CDC27: variants seen among roughly 807,000 people sequenced by gnomAD.
CDC27 encodes cell division cycle protein 27 homolog.
Under a neutral mutation model 109.7 loss-of-function variants are expected in CDC27, and 27 were observed. That is an observed-to-expected ratio of 0.25 (90% CI 0.18 to 0.34). The LOEUF (loss-of-function observed/expected upper bound fraction) is 0.34. CDC27 is among the 10% of genes least tolerant of loss of function. The pLI, the probability that CDC27 is intolerant of heterozygous loss-of-function variation, is 1.00. For synonymous variants in CDC27, 266 were observed against 333.9 expected (o/e 0.80, Z 2.22); for missense variants, 579 against 960.2 (o/e 0.60, Z 5.25).
At chr17:47,145,382 C>T (rs1188018034) in intron 9 of CDC27, among the ~76,000 whole-genome samples, 2 of 152,080 alleles carry the variant, frequency 1.3e-5, no homozygotes, top group Non-Finnish European at 2.9e-5. Flanking sequence ...GAGGGCTTCC[C>T]TAGAGTCTTC....
At chr17:47,131,472 A>G (rs1156300036) in intron 15 of CDC27, among the ~76,000 whole-genome samples, 1 of 152,022 alleles carries the variant, frequency 6.6e-6, no homozygotes, top group African/African-American at 2.4e-5. Flanking sequence ...ATTTCCTCAC[A>G]TTGTATGACC....
In CDC27 at chr17:47,120,170, T is replaced by C. The variant is rs1157421802; in HGVS notation, c.*765A>G. The C allele has an allele frequency of 6.6e-6, 1 of 152,226 alleles. No homozygotes were observed. Among genetic ancestry groups the C allele is most frequent in the African/African-American group, 2.4e-5 (1 of 41,446 alleles). The allele number at this position is 152,226 out of a possible 1,614,324, so 9.4% of individuals were successfully genotyped here. A position where few individuals can be genotyped will look rare whatever the true frequency, so the allele number is the denominator to read the frequency against. ...CTCTATCATCTCTGAATGTTAAAGG[T>C]GATCCCACAGAGCTCAAAGAGAAGA... On this transcript the variant is annotated 3_prime_UTR_variant, in exon 19 of 19. Transcript: ENST00000066544.
intron 14 of CDC27, 36 bp downstream of exon 14, chr17:47,137,116 A>G (rs372605318): frequency 2.3e-6 from 3 of 1,299,752 alleles, no homozygotes; most frequent in Non-Finnish European, 3.2e-6. Context: ...CAGCACCATC[A>G]ATACGACTTT....
chr17:47,155,165 T>A (rs1406876583), intron 7 of CDC27, among the ~76,000 whole-genome samples: 1 of 152,118 alleles, frequency 6.6e-6, no homozygotes, highest in East Asian at 1.9e-4. Context: ...ACTATAACTC[T>A]CCAGAGTTGT....
At position 47,147,922 on chromosome 17, in the gene CDC27, T is replaced by C. The variant is rs954301813; in HGVS notation, c.1070+3884A>G. Among the ~76,000 whole-genome samples the C allele has an allele frequency of 2.1e-3, 276 of 131,394 alleles. 1 individual carries two copies. The highest frequency in any genetic ancestry group is 7.5e-3 in the African/African-American group (261 of 34,572). 86.2% of individuals were successfully genotyped at this position (131,394 alleles called of 152,430 possible). ...TCAAAAAAAAAAAAAAAAAAAAGGC[T>C]GGGCGCGGTGGCTCACACCTGTAAT... On this transcript the variant is annotated intron_variant, in intron 9 of 18. Transcript: ENST00000066544.
At chr17:47,175,455 T>C (rs1337729715) in intron 2 of CDC27, among the ~76,000 whole-genome samples, 1 of 152,144 alleles carries the variant, frequency 6.6e-6, no homozygotes, top group Non-Finnish European at 1.5e-5. Context: ...TCATGAACTC[T>C]GATGTTGTGT....
intron 4 of CDC27, among the ~76,000 whole-genome samples, chr17:47,160,499 T>C (rs981672709): frequency 2.0e-5 from 3 of 152,196 alleles, no homozygotes; most frequent in Admixed American, 6.5e-5. Context: ...GTGTTGGGAT[T>C]ACAGGCGTGA....
At chr17:47,128,856 T>C (rs910164168) in intron 16 of CDC27, among the ~76,000 whole-genome samples, 2 of 151,808 alleles carry the variant, frequency 1.3e-5, no homozygotes, top group East Asian at 3.9e-4. Flanking sequence ...CTGAAACCTC[T>C]GCCTCCTGGG....
chr17:47,143,977 G>A lies in CDC27; in HGVS notation c.1076C>T (p.Thr359Ile). ...AATAGTGGGGCTCAATACCTGAGGTGTTGTACTAAAAAAAAATTATAAAGG... is the reference window on the plus strand; with the variant it reads ...AATAGTGGGGCTCAATACCTGAGGTATTGTACTAAAAAAAAATTATAAAGG... The part of the protein sequence containing the change: ...TQSSGPQTST[T>I]PQVLSPTITS... Residue 359 changes from threonine to isoleucine, a missense_variant, in exon 10 of 19, where the codon ACA becomes ATA. Around this residue, in one of 9 missense-constraint regions of CDC27, gnomAD observed 51 missense variants for 43.8 expected, o/e 1.16. Transcript: ENST00000066544. 7.1e-7 allele frequency: 1 copy of A among 1,409,798 alleles called. No individual in the cohort carries two copies. Among genetic ancestry groups the A allele is most frequent in the Non-Finnish European group, 9.4e-7 (1 of 1,066,278 alleles). The allele number at this position is 1,409,798 out of a possible 1,614,324, so 87.3% of individuals were successfully genotyped here.
At chr17:47,132,948 A>ATTTTTTGT (rs1315169949) in intron 14 of CDC27, among the ~76,000 whole-genome samples, 2 of 118,952 alleles carry the variant, frequency 1.7e-5, no homozygotes, top group African/African-American at 6.4e-5. Context: ...TAATTTTTGT[A>ATTTTTTGT]TTTTTTGTAG....
rs1008212604 is a variant in CDC27 at position 47,118,339 on chromosome 17, T to C, written c.*2596A>G. 2 of 152,588 alleles carry C rather than the reference T, an allele frequency of 1.3e-5. No individual in the cohort carries two copies. The highest frequency in any genetic ancestry group is 2.9e-5 in the Non-Finnish European group (2 of 68,042). The allele number at this position is 152,588 out of a possible 1,614,324, so 9.5% of individuals were successfully genotyped here. ...AATTTTAAGTGATGAATACAGAAAA[T>C]GTAGGGACCACCTTTCATTCTTTTG... On this transcript the variant is annotated 3_prime_UTR_variant, in exon 19 of 19. Coordinates refer to ENST00000066544, the MANE Select transcript of CDC27 (RefSeq NM_001256.6).
rs907748246 is a variant in CDC27, at chr17:47,117,836, C to T, written c.*3099G>A. The T allele has an allele frequency of 2.0e-5, 3 of 151,978 alleles. No individual in the cohort carries two copies. The highest frequency in any genetic ancestry group is 7.2e-5 in the African/African-American group (3 of 41,380). 9.4% of individuals were successfully genotyped at this position (151,978 alleles called of 1,614,324 possible). A position where few individuals can be genotyped will look rare whatever the true frequency, so the allele number is the denominator to read the frequency against. On this transcript the variant is annotated 3_prime_UTR_variant, in exon 19 of 19. Transcript: ENST00000066544. ...AACATTGCTCTAGTTTTTTGTGAAA[C>T]ATAAAACTGTATCTCTGTTTTTCTG...
At chr17:47,145,775 C>G (rs886971632) in intron 9 of CDC27, among the ~76,000 whole-genome samples, 6 of 152,022 alleles carry the variant, frequency 3.9e-5, no homozygotes, top group African/African-American at 1.5e-4. Context: ...ATGGCGGGTG[C>G]CTGTAATCCC....
chr17:47,170,796 T>G (rs1474120032), intron 3 of CDC27, among the ~76,000 whole-genome samples: 1 of 152,136 alleles, frequency 6.6e-6, no homozygotes, highest in Non-Finnish European at 1.5e-5. Flanking sequence ...ACTAACATAG[T>G]TTAATTAAAA....
At chr17:47,136,933 A>G (rs1461968169) in intron 14 of CDC27, among the ~76,000 whole-genome samples, 1 of 152,254 alleles carries the variant, frequency 6.6e-6, no homozygotes, top group Non-Finnish European at 1.5e-5. Context: ...ACTGTTGAGT[A>G]TAAGGATCTG....
chr17:47,143,932 A>G lies in CDC27; in HGVS notation c.1121T>C (p.Leu374Pro), dbSNP rs80120716. 6.7e-7 allele frequency: 1 copy of G among 1,498,984 alleles called. No homozygotes were observed. The highest frequency in any genetic ancestry group is 8.9e-7 in the Non-Finnish European group (1 of 1,117,344). The allele number at this position is 1,498,984 out of a possible 1,614,324, so 92.9% of individuals were successfully genotyped here. The change falls in exon 10 of 19, where the codon CTG becomes CCG. Residue 374 changes from leucine to proline, a missense_variant. Physicochemically the swap from Leu to Pro is moderately conservative, Grantham distance 98. Transcript: ENST00000066544. ...AAAGAGTCGTGAACTTCTTCGAGGC[A>G]GTGCGTTTGGGGGAGATGTAATAGT... ...SPTITSPPNA[L>P]PRRSSRLFTS...
At chr17:47,154,644 C>T (rs892975927) in intron 8 of CDC27, 28 bp downstream of exon 8, 2 of 1,206,678 alleles carry the variant, frequency 1.7e-6, no homozygotes, top group Non-Finnish European at 2.4e-6. Flanking sequence ...TTAATCAATT[C>T]CCAAACTGCA....
intron 11 of CDC27, 57 bp downstream of exon 11, chr17:47,142,172 T>C: frequency 8.3e-7 from 1 of 1,206,456 alleles, no homozygotes; most frequent in South Asian, 1.6e-5. Context: ...TAAAGAAATT[T>C]ACTTAAAATA....
chr17:47,180,945 T>TAAAA (rs34061862), intron 2 of CDC27, among the ~76,000 whole-genome samples: 121 of 111,568 alleles, frequency 1.1e-3, no homozygotes, highest in East Asian at 1.4e-3. Context: ...ACTCTTTTCT[T>TAAAA]AAAAAAAAAA....
Sources: allele counts gnomAD v4.1 joint callset (sites outside exome capture counted in the v4.1 genomes callset), GRCh38; gene constraint gnomAD v4.1.1; regional missense constraint gnomAD v4.1.1; transcripts MANE v1.5; gene names NCBI Gene and HGNC (gene_info 2026-07-23, HGNC 2026-07-21).